PDE4D: variants seen among roughly 807,000 people sequenced by gnomAD.
The protein encoded by PDE4D is 3',5'-cyclic-AMP phosphodiesterase 4D.
A neutral mutation model predicts 87.4 loss-of-function variants in PDE4D; 24 were observed. The ratio of observed to expected loss-of-function variants is 0.27; its 90% CI spans 0.20 to 0.39. PDE4D has a LOEUF of 0.39. PDE4D is among the 10% of genes least tolerant of loss of function. The pLI is 1.00. For missense variants in PDE4D, 714 were observed against 1,041.0 expected (o/e 0.69, Z 4.32); for synonymous variants, 384 against 383.2 (o/e 1.00, Z -0.02).
chr5:59,358,809 C>T (rs1781784005), intron 1 of PDE4D, among the ~76,000 whole-genome samples: 1 of 152,014 alleles, frequency 6.6e-6, no homozygotes, highest in South Asian at 2.1e-4. Context: ...ACTTTTTTCA[C>T]CCTCCAGGCA....
chr5:60,031,344 G>C (rs1359104191), intron 2 of PDE4D, among the ~76,000 whole-genome samples: 1 of 152,114 alleles, frequency 6.6e-6, no homozygotes, highest in Non-Finnish European at 1.5e-5. Context: ...CATGACAAAG[G>C]CTATTTGCTT....
chr5:59,506,395 G>C (rs1809274790), intron 1 of PDE4D, among the ~76,000 whole-genome samples: 2 of 151,946 alleles, frequency 1.3e-5, no homozygotes, highest in Non-Finnish European at 2.9e-5. Context: ...AAATGCTTCT[G>C]CTTAAAATAG....
intron 3 of PDE4D, among the ~76,000 whole-genome samples, chr5:59,969,528 G>A (rs1294501387): frequency 6.6e-6 from 1 of 152,136 alleles, no homozygotes; most frequent in Non-Finnish European, 1.5e-5. Flanking sequence ...CTGATGATAA[G>A]GTTTGGGGAA....
chr5:60,323,767 C>A lies in PDE4D; in HGVS notation c.-89-138080G>T, dbSNP rs75242193. On this transcript the variant is annotated intron_variant, in intron 1 of 16. Transcript: ENST00000502484. ...TTAGCATGATTACCACCCTCCACCC[C>A]CCACCCGCAGCCTCTCTCTCCTGAG... Among the ~76,000 whole-genome samples, 6 of 151,782 alleles carry A rather than the reference C, an allele frequency of 4.0e-5. No individual in the cohort carries two copies. In the East Asian group the frequency reaches 5.8e-4, roughly 15 times the overall value.
At chr5:59,026,163 A>T (rs1299640508) in intron 6 of PDE4D, among the ~76,000 whole-genome samples, 1 of 152,238 alleles carries the variant, frequency 6.6e-6, no homozygotes, top group Non-Finnish European at 1.5e-5. Flanking sequence ...GAGAAAGAGC[A>T]GTTTATGACC....
rs576557876 is a variant in PDE4D at position 59,272,538 on chromosome 5, T to A, written c.456-56570A>T. On this transcript the variant is annotated intron_variant, in intron 1 of 14. Transcript: ENST00000340635. ...TCAATTTCATGCAGGCACATTTTTT[T>A]AAAATAATGCTTAAGAATAAATACT... Among the ~76,000 whole-genome samples the A allele has an allele frequency of 5.3e-5, 8 of 152,182 alleles. No homozygotes were observed. The South Asian group carries it at 1.0e-3, about 20-fold the overall frequency.
intron 1 of PDE4D, among the ~76,000 whole-genome samples, chr5:59,517,730 C>A (rs1276366900): frequency 2.0e-5 from 3 of 152,126 alleles, no homozygotes; most frequent in East Asian, 1.9e-4. Flanking sequence ...CTATTTAGAG[C>A]AGTGCCTGGT....
chr5:60,504,272 T>TG (rs1750226465), intron 1 of PDE4D, among the ~76,000 whole-genome samples: 2 of 152,096 alleles, frequency 1.3e-5, no homozygotes, highest in Non-Finnish European at 2.9e-5. Context: ...ATTTTTTTTT[T>TG]GCTTCCATGA....
chr5:60,430,443 G>T (rs561443167), intron 1 of PDE4D, among the ~76,000 whole-genome samples: 2 of 151,234 alleles, frequency 1.3e-5, no homozygotes, highest in East Asian at 3.9e-4. Context: ...CTTCTGCCTC[G>T]CATGCCATTC....
chr5:59,597,708 C>T lies in PDE4D; in HGVS notation c.455+295460G>A, dbSNP rs564557372. ...ATATAAAAATGTATTTAAACTAGAA[C>T]CCAATAATTTAGAATAATTAATAGT... is the stretch of plus-strand genomic sequence containing the variant. On this transcript the variant is annotated intron_variant, in intron 1 of 14. Transcript: ENST00000340635. 2.6e-5 allele frequency among the ~76,000 whole-genome samples: 4 copies of T among 152,070 alleles called. No individual in the cohort carries two copies. The East Asian group carries it at 7.7e-4, about 29-fold the overall frequency.
intron 1 of PDE4D, among the ~76,000 whole-genome samples, chr5:59,495,808 G>A (rs1205300393): frequency 1.3e-5 from 2 of 152,124 alleles, no homozygotes; most frequent in African/African-American, 2.4e-5. Flanking sequence ...CCTGCTGCTC[G>A]TACCTCTAGG....
chr5:59,132,398 A>G (rs928673926), intron 5 of PDE4D, among the ~76,000 whole-genome samples: 8 of 152,168 alleles, frequency 5.3e-5, no homozygotes, highest in African/African-American at 1.7e-4. Flanking sequence ...TATAGTTATC[A>G]GCGTATGTCA....
At chr5:59,019,270 C>T (rs1163503634) in intron 6 of PDE4D, among the ~76,000 whole-genome samples, 2 of 152,126 alleles carry the variant, frequency 1.3e-5, no homozygotes, top group Non-Finnish European at 2.9e-5. Flanking sequence ...CACTCTTACA[C>T]CTAATTCCCT....
At chr5:59,426,998 TACAC>T (rs3061709) in intron 1 of PDE4D, among the ~76,000 whole-genome samples, 19,557 of 124,358 alleles carry the variant, frequency 0.16, 1,493 homozygotes, top group South Asian at 0.27. Context: ...CTTGAAGCTA[TACAC>T]ACACACACAC....
At chr5:59,076,928 AGCTACC>A (rs1158815321) in intron 5 of PDE4D, among the ~76,000 whole-genome samples, 12 of 152,218 alleles carry the variant, frequency 7.9e-5, no homozygotes, top group Non-Finnish European at 1.8e-4. Flanking sequence ...ATGTGCCCCA[AGCTACC>A]GATCCACAAC....
intron 2 of PDE4D, among the ~76,000 whole-genome samples, chr5:60,123,079 C>T (rs1778826877): frequency 1.3e-5 from 2 of 152,140 alleles, no homozygotes; most frequent in Admixed American, 1.3e-4. Context: ...CTGAGAGCAC[C>T]TCAGCTTGGA....
At chr5:60,062,505 G>C (rs1210352002) in intron 2 of PDE4D, among the ~76,000 whole-genome samples, 2 of 152,078 alleles carry the variant, frequency 1.3e-5, no homozygotes, top group African/African-American at 4.8e-5. Context: ...AAGACAGTGT[G>C]GCAACTCCTC....
chr5:60,418,469 A>G (rs1247464235), intron 1 of PDE4D, among the ~76,000 whole-genome samples: 1 of 152,166 alleles, frequency 6.6e-6, no homozygotes, highest in African/African-American at 2.4e-5. Context: ...TCTAATTTAT[A>G]TAAATCGCTG....
At chr5:59,882,612 A>G (rs1222136082) in intron 1 of PDE4D, among the ~76,000 whole-genome samples, 1 of 152,136 alleles carries the variant, frequency 6.6e-6, no homozygotes, top group Non-Finnish European at 1.5e-5. Context: ...GCTTATATTT[A>G]AATGTGTCAA....
Sources: allele counts gnomAD v4.1 joint callset (sites outside exome capture counted in the v4.1 genomes callset), GRCh38; gene constraint gnomAD v4.1.1; transcripts MANE v1.5; gene names NCBI Gene and HGNC (gene_info 2026-07-23, HGNC 2026-07-21).